Variants in ANKRD44 observed in about 807,000 individuals in gnomAD.
ANKRD44 encodes ankyrin repeat domain 44.
A neutral mutation model predicts 116.0 loss-of-function variants in ANKRD44; 35 were observed. The ratio of observed to expected loss-of-function variants is 0.30; its 90% CI spans 0.23 to 0.40. The LOEUF is 0.40. ANKRD44 is among the 10% of genes least tolerant of loss of function. The pLI, the probability that ANKRD44 is intolerant of heterozygous loss-of-function variation, is 1.00. For synonymous variants in ANKRD44, 435 were observed against 461.8 expected (o/e 0.94, Z 0.74); for missense variants, 1,014 against 1,242.6 (o/e 0.82, Z 2.77).
intron 21 of ANKRD44, among the ~76,000 whole-genome samples, chr2:197,003,235 C>CA (rs2076145416): frequency 6.6e-6 from 1 of 151,810 alleles, no homozygotes; most frequent in Admixed American, 6.6e-5. Flanking sequence ...CGCTTGAACC[C>CA]AGGAGGCAAA....
intron 1 of ANKRD44, among the ~76,000 whole-genome samples, chr2:197,297,828 T>C (rs2083768491): frequency 6.6e-6 from 1 of 152,248 alleles, no homozygotes; most frequent in Non-Finnish European, 1.5e-5. Flanking sequence ...TCTTGGCTGC[T>C]ACGAAAAGGA....
At chr2:197,112,398 C>G (rs1489817000) in intron 8 of ANKRD44, among the ~76,000 whole-genome samples, 1 of 152,010 alleles carries the variant, frequency 6.6e-6, no homozygotes, top group East Asian at 1.9e-4. Context: ...TCTGAATCAC[C>G]CAGGATTCTT....
At chr2:197,283,977 G>A (rs2083335690) in intron 1 of ANKRD44, among the ~76,000 whole-genome samples, 4 of 152,198 alleles carry the variant, frequency 2.6e-5, no homozygotes, top group Admixed American at 6.5e-5. Context: ...GATACAGAGA[G>A]ATTGTGTAGA....
At chr2:197,166,813 A>G (rs920796243) in intron 2 of ANKRD44, among the ~76,000 whole-genome samples, 1 of 152,210 alleles carries the variant, frequency 6.6e-6, no homozygotes, top group Non-Finnish European at 1.5e-5. Flanking sequence ...CTTAGCCACT[A>G]TTCTATGCTG....
intron 16 of ANKRD44, among the ~76,000 whole-genome samples, chr2:197,031,542 G>A (rs1180072026): frequency 6.6e-6 from 1 of 152,108 alleles, no homozygotes; most frequent in East Asian, 1.9e-4. Flanking sequence ...ACACTAAAGC[G>A]ATTTCTATTT....
intron 27 of ANKRD44, chr2:196,990,252 G>C (rs1373790059): frequency 1.0e-6 from 1 of 987,100 alleles, no homozygotes; most frequent in Non-Finnish European, 1.2e-6. Context: ...GAAGAAGTTT[G>C]AGGCATTTCC....
chr2:197,147,850 T>C, intron 2 of ANKRD44: 1 of 455,152 alleles, frequency 2.2e-6, no homozygotes, highest in Non-Finnish European at 4.4e-6. Context: ...CTGAGAATGT[T>C]GACATTAAGG....
At chr2:197,171,155 G>A (rs1264963620) in intron 2 of ANKRD44, among the ~76,000 whole-genome samples, 1 of 152,188 alleles carries the variant, frequency 6.6e-6, no homozygotes, top group Non-Finnish European at 1.5e-5. Context: ...TCAGACATCT[G>A]AACCACAGAA....
chr2:197,020,823 A>G (rs1553487691), intron 17 of ANKRD44, among the ~76,000 whole-genome samples: 1 of 151,198 alleles, frequency 6.6e-6, no homozygotes, highest in Non-Finnish European at 1.5e-5. Context: ...TTATACTTTA[A>G]GTTCTAGGGT....
intron 13 of ANKRD44, among the ~76,000 whole-genome samples, chr2:197,084,486 C>T (rs993638487): frequency 2.0e-5 from 3 of 152,160 alleles, no homozygotes; most frequent in African/African-American, 7.2e-5. Flanking sequence ...ACTGCAAGCT[C>T]CTTGAGGGTA....
rs34442753 is a variant in ANKRD44 at position 197,089,954 on chromosome 2, T to C, written c.1179A>G (p.Ser393=). The change falls in exon 11 of 28, where the codon TCA becomes TCG. Residue 393 remains serine, a synonymous_variant. Transcript: ENST00000282272. ...AHSDCCRKLL[S]SGFEIDTPDK... ...TCTGCTAACAGATTTACTTACCCGA[T>C]GATAACAACTTTCTGCAGCAGTCAG... 8.3e-3 allele frequency: 13,388 copies of C among 1,613,740 alleles called. 56 individuals are homozygous for C. The highest frequency in any genetic ancestry group is 0.01 in the Non-Finnish European group (12,041 of 1,179,680).
chr2:196,984,732 C>T (rs1373583255), downstream of ANKRD44, among the ~76,000 whole-genome samples: 1 of 152,152 alleles, frequency 6.6e-6, no homozygotes, highest in Non-Finnish European at 1.5e-5. Context: ...TCTACATTTT[C>T]CTTGAAAGGG....
intron 21 of ANKRD44, among the ~76,000 whole-genome samples, chr2:196,981,545 G>T (rs1559392320): frequency 6.6e-6 from 1 of 152,154 alleles, no homozygotes; most frequent in Non-Finnish European, 1.5e-5. Flanking sequence ...GGAGGCTGAG[G>T]CAGGTGGATC....
At chr2:197,300,173 T>G (rs1473310248) in intron 1 of ANKRD44, among the ~76,000 whole-genome samples, 1 of 152,268 alleles carries the variant, frequency 6.6e-6, no homozygotes, top group Non-Finnish European at 1.5e-5. Context: ...GCAGAGGGCA[T>G]GTAGTACCTA....
chr2:197,153,816 T>C (rs1182863881), intron 2 of ANKRD44, among the ~76,000 whole-genome samples: 1 of 152,144 alleles, frequency 6.6e-6, no homozygotes, highest in Non-Finnish European at 1.5e-5. Context: ...ATTTGAAGTA[T>C]GTGTTTGCAT....
At chr2:197,299,394 CA>C (rs2083826878) in intron 1 of ANKRD44, 1 of 152,172 alleles carries the variant, frequency 6.6e-6, no homozygotes, top group African/African-American at 2.4e-5. Context: ...ATGTTTACAG[CA>C]GCACAATTCA....
chr2:197,124,634 G>A (rs1406621065), intron 6 of ANKRD44, among the ~76,000 whole-genome samples: 1 of 152,164 alleles, frequency 6.6e-6, no homozygotes, highest in Non-Finnish European at 1.5e-5. Context: ...AATCTCCTGT[G>A]GATGGGCATT....
chr2:197,027,830 G>T (rs534673918), intron 16 of ANKRD44, among the ~76,000 whole-genome samples: 1 of 151,472 alleles, frequency 6.6e-6, no homozygotes, highest in Non-Finnish European at 1.5e-5. Flanking sequence ...CTACAGGCAC[G>T]TGCCACCATG....
At chr2:197,065,713 ATTC>A (rs2077417408) in intron 16 of ANKRD44, among the ~76,000 whole-genome samples, 1 of 152,206 alleles carries the variant, frequency 6.6e-6, no homozygotes, top group Non-Finnish European at 1.5e-5. Flanking sequence ...AAATGGATAA[ATTC>A]CTGGACATAT....
Sources: allele counts gnomAD v4.1 joint callset (sites outside exome capture counted in the v4.1 genomes callset), GRCh38; gene constraint gnomAD v4.1.1; transcripts MANE v1.5; gene names NCBI Gene and HGNC (gene_info 2026-07-23, HGNC 2026-07-21).